Variants in GMDS observed in about 807,000 individuals in gnomAD.
GMDS encodes the protein GDP-mannose 4,6 dehydratase.
GMDS carries 20 observed loss-of-function variants against 49.9 expected under a neutral mutation model. The observed-to-expected ratio is 0.40, with a 90% CI of 0.28 to 0.58. The LOEUF (loss-of-function observed/expected upper bound fraction) is 0.58, where lower values mean the gene tolerates loss of function less well. Ranked by LOEUF, GMDS falls within the 20% of genes least tolerant of loss-of-function variation. The pLI is 0.42. For synonymous variants in GMDS, 177 were observed against 178.6 expected (o/e 0.99, Z 0.07); for missense variants, 362 against 481.4 (o/e 0.75, Z 2.32).
At chr6:1,824,091 C>A (rs1771005418) in intron 7 of GMDS, among the ~76,000 whole-genome samples, 2 of 152,166 alleles carry the variant, frequency 1.3e-5, no homozygotes, top group Admixed American at 6.5e-5. Context: ...CTTTCTCCCT[C>A]ATCCAGCAAC....
chr6:2,233,809 A>G (rs1781224688), intron 1 of GMDS, among the ~76,000 whole-genome samples: 1 of 152,170 alleles, frequency 6.6e-6, no homozygotes. Context: ...TGGACAACAG[A>G]GGGAGACTCC....
intron 4 of GMDS, among the ~76,000 whole-genome samples, chr6:1,964,459 C>T (rs191077400): frequency 6.6e-6 from 1 of 152,126 alleles, no homozygotes; most frequent in African/African-American, 2.4e-5. Context: ...TAAGTATTTC[C>T]ACTGACACAG....
intron 7 of GMDS, among the ~76,000 whole-genome samples, chr6:1,913,804 C>T (rs1561885966): frequency 6.6e-6 from 1 of 151,798 alleles, no homozygotes; most frequent in Admixed American, 6.6e-5. Flanking sequence ...GAGGGAAGCA[C>T]TTTTTTTTCT....
chr6:2,119,092 A>C (rs888203945), intron 2 of GMDS, among the ~76,000 whole-genome samples: 1 of 152,206 alleles, frequency 6.6e-6, no homozygotes, highest in Admixed American at 6.5e-5. Context: ...AAAAGTCTAT[A>C]TACTAAAAAG....
intron 1 of GMDS, among the ~76,000 whole-genome samples, chr6:2,193,807 T>C (rs1269693748): frequency 6.9e-6 from 1 of 144,212 alleles, no homozygotes; most frequent in Non-Finnish European, 1.5e-5. Context: ...CACTGCAAGC[T>C]CTACCTCCCA....
At chr6:1,900,132 C>T (rs1488786491) in intron 7 of GMDS, among the ~76,000 whole-genome samples, 1 of 152,192 alleles carries the variant, frequency 6.6e-6, no homozygotes, top group African/African-American at 2.4e-5. Flanking sequence ...CTTGGAGGAG[C>T]AGGGAGCCTT....
chr6:2,125,729 G>A (rs1775393656), intron 1 of GMDS, among the ~76,000 whole-genome samples: 1 of 152,204 alleles, frequency 6.6e-6, no homozygotes, highest in South Asian at 2.1e-4. Flanking sequence ...TGTGGAGGAA[G>A]GTGAGTACCT....
At position 1,708,054 on chromosome 6, in the gene GMDS, TAAAC is replaced by T. The variant is rs983913630; in HGVS notation, c.987+18358_987+18361del. Among the ~76,000 whole-genome samples, 24 of 151,942 alleles carry T rather than the reference TAAAC, an allele frequency of 1.6e-4. 1 individual carries two copies. Among genetic ancestry groups the T allele is most frequent in the Non-Finnish European group, 1.5e-5 (1 of 67,960 alleles). On this transcript the variant is annotated intron_variant, in intron 9 of 10. Transcript: ENST00000380815. Reference sequence around the variant, plus strand: ...AAGGTATAAATAAATGAAATACAAATAAACAAAAAACAAATACAGCACTCATCCG... The same window carrying T: ...AAGGTATAAATAAATGAAATACAAATAAAAAACAAATACAGCACTCATCCG...
chr6:1,918,948 C>T (rs1159484692), intron 7 of GMDS, among the ~76,000 whole-genome samples: 1 of 152,154 alleles, frequency 6.6e-6, no homozygotes, highest in African/African-American at 2.4e-5. Context: ...CACAACTCAA[C>T]CTAAGTGTGG....
At chr6:1,732,411 C>T (rs535758453) in intron 8 of GMDS, among the ~76,000 whole-genome samples, 1 of 152,248 alleles carries the variant, frequency 6.6e-6, no homozygotes, top group South Asian at 2.1e-4. Context: ...GGTAATGTAG[C>T]ACTAAATATT....
intron 9 of GMDS, chr6:1,679,359 GACAATGACTATATTTATTTAGA>G (rs1764718596): frequency 1.3e-5 from 2 of 152,180 alleles, no homozygotes; most frequent in Non-Finnish European, 1.5e-5. Flanking sequence ...TAGAGACCAG[GACAATGACTATATTTATTTAGA>G]GGTGACAACA....
intron 7 of GMDS, among the ~76,000 whole-genome samples, chr6:1,886,917 G>C (rs1012732233): frequency 6.6e-6 from 1 of 152,136 alleles, no homozygotes; most frequent in African/African-American, 2.4e-5. Context: ...AGTAAAAGTG[G>C]TGGCAACTGC....
chr6:1,658,323 A>G lies in GMDS; in HGVS notation c.988-33783T>C, dbSNP rs532577527. ...TTCACTGTTTCAAAGCTGAAGCTGC[A>G]ATTTGCGAAGTCGCATTTTCCCGAA... On this transcript the variant is annotated intron_variant, in intron 9 of 10. Coordinates refer to ENST00000380815, the MANE Select transcript of GMDS (RefSeq NM_001500.4). Among the ~76,000 whole-genome samples, 19 of 152,348 alleles carry G rather than the reference A, an allele frequency of 1.2e-4. No individual in the cohort carries two copies. In the East Asian group the frequency reaches 1.9e-3, roughly 15 times the overall value.
chr6:2,192,075 C>G (rs1779045674), intron 1 of GMDS, among the ~76,000 whole-genome samples: 1 of 152,184 alleles, frequency 6.6e-6, no homozygotes, highest in South Asian at 2.1e-4. Context: ...GAGCTACTCT[C>G]TCTGCTAAGA....
At chr6:1,943,136 C>A (rs1762898497) in intron 6 of GMDS, among the ~76,000 whole-genome samples, 1 of 152,238 alleles carries the variant, frequency 6.6e-6, no homozygotes, top group African/African-American at 2.4e-5. Flanking sequence ...CCTCACAGCT[C>A]TCTCCAGTGA....
chr6:2,123,399 C>A (rs762931069), intron 2 of GMDS, among the ~76,000 whole-genome samples: 1 of 152,186 alleles, frequency 6.6e-6, no homozygotes, highest in Non-Finnish European at 1.5e-5. Context: ...ACAAGTGCAG[C>A]GATTTCTGCT....
In GMDS at chr6:1,627,781, G is replaced by A. The variant is rs989543702; in HGVS notation, c.988-3241C>T. Among the ~76,000 whole-genome samples the A allele has an allele frequency of 3.9e-5, 6 of 152,166 alleles. No homozygotes were observed. The South Asian group carries it at 1.2e-3, about 32-fold the overall frequency. On this transcript the variant is annotated intron_variant, in intron 9 of 10. Transcript: ENST00000380815. ...AACTGGGTGGTCTGGAGCTTTTCTT[G>A]AAAAAAGAGAAAATAAAGCTTTGAG...
chr6:1,850,728 G>A (rs990673471), intron 7 of GMDS, among the ~76,000 whole-genome samples: 1 of 152,200 alleles, frequency 6.6e-6, no homozygotes, highest in African/African-American at 2.4e-5. Context: ...CAATTTATCC[G>A]GCGATCTATT....
chr6:1,690,002 G>T (rs1252977211), intron 9 of GMDS, among the ~76,000 whole-genome samples: 1 of 152,086 alleles, frequency 6.6e-6, no homozygotes, highest in African/African-American at 2.4e-5. Flanking sequence ...CTACTAGGGA[G>T]GCTAAGGCAG....
Sources: gnomAD v4.1 joint callset for allele counts (sites outside exome capture counted in the v4.1 genomes callset) on GRCh38, gnomAD v4.1.1 for gene constraint, MANE v1.5 for transcripts, NCBI Gene and HGNC (gene_info 2026-07-23, HGNC 2026-07-21) for gene names.